Variants in USP12 observed in about 807,000 individuals in gnomAD.
The protein encoded by USP12 is ubiquitin specific peptidase 12.
USP12 carries 19 observed loss-of-function variants against 45.5 expected under a neutral mutation model. The ratio of observed to expected loss-of-function variants is 0.42; its 90% CI spans 0.29 to 0.61. The LOEUF is 0.61. USP12 is among the 20% of genes least tolerant of loss of function. USP12 has a pLI of 0.22. For missense variants in USP12, 242 were observed against 447.7 expected (o/e 0.54, Z 4.15); for synonymous variants, 149 against 148.8 (o/e 1.00, Z -0.01).
chr13:27,159,847 C>G (rs576737358), intron 1 of USP12, among the ~76,000 whole-genome samples: 2 of 152,134 alleles, frequency 1.3e-5, no homozygotes, highest in African/African-American at 4.8e-5. Context: ...AAGAACATCA[C>G]GGTAGGCTAT....
chr13:27,152,305 A>G (rs1877604538), intron 1 of USP12, among the ~76,000 whole-genome samples: 1 of 152,246 alleles, frequency 6.6e-6, no homozygotes, highest in Admixed American at 6.5e-5. Context: ...CATTAAAAGC[A>G]ATGCAGTACT....
At chr13:27,124,476 G>A (rs570276240) in intron 1 of USP12, among the ~76,000 whole-genome samples, 149 of 152,306 alleles carry the variant, frequency 9.8e-4, no homozygotes, top group African/African-American at 3.6e-3. Flanking sequence ...CAAACTATTA[G>A]TTTCCACACA....
chr13:27,155,644 T>A (rs573160568), intron 1 of USP12, among the ~76,000 whole-genome samples: 2 of 152,280 alleles, frequency 1.3e-5, no homozygotes, highest in East Asian at 3.9e-4. Flanking sequence ...AGTAAATATA[T>A]AACCCTGAGG....
In USP12 at chr13:27,095,735, C is replaced by T. The variant is rs764167026; in HGVS notation, c.439G>A (p.Glu147Lys). The T allele has an allele frequency of 6.2e-7, 1 of 1,612,932 alleles. No individual in the cohort carries two copies. Among genetic ancestry groups the T allele is most frequent in the South Asian group, 1.1e-5 (1 of 90,860 alleles). The change falls in exon 4 of 9, where the codon GAA (glutamate) becomes AAA (lysine). Residue 147 changes from glutamate (E) to lysine (K), a missense_variant. By Grantham distance (56) the Glu-to-Lys change is moderately conservative. This residue lies in a region of USP12 where 40 missense variants were observed against 38.6 expected (regional missense o/e 1.04). Coordinates refer to ENST00000282344, the MANE Select transcript of USP12 (RefSeq NM_182488.4). ...TTAGGTAAACGACCATTTTGTTTTT[C>T]CTGCTTTCTCTCTTCTTGTAAAATA... ...ADILQEERKQ[E>K]KQNGRLPNGN...
intron 2 of USP12, among the ~76,000 whole-genome samples, chr13:27,113,809 T>C (rs1180502784): frequency 6.6e-6 from 1 of 152,146 alleles, no homozygotes; most frequent in Non-Finnish European, 1.5e-5. Context: ...TCAAGTAACC[T>C]ATGGCCATCA....
intron 6 of USP12, among the ~76,000 whole-genome samples, chr13:27,083,443 C>T (rs755367641): frequency 6.6e-6 from 1 of 151,890 alleles, no homozygotes; most frequent in African/African-American, 2.4e-5. Context: ...TCAGCCTCCC[C>T]CTTGCCCCCA....
chr13:27,116,311 CAAA>C (rs10549775), intron 2 of USP12, among the ~76,000 whole-genome samples: 7,052 of 90,766 alleles, frequency 0.078, 198 homozygotes, highest in African/African-American at 0.098. Context: ...GACGCTGTCT[CAAA>C]AAAAAAAAAA....
rs77815401 is a variant in USP12, at chr13:27,149,794, G to C, written c.48+21798C>G. 8.0e-3 allele frequency among the ~76,000 whole-genome samples: 1,216 copies of C among 152,338 alleles called. 14 individuals carry two copies. Among genetic ancestry groups the C allele is most frequent in the African/African-American group, 0.027 (1,139 of 41,572 alleles). On this transcript the variant is annotated intron_variant, in intron 1 of 8. Coordinates refer to ENST00000282344, the MANE Select transcript of USP12 (RefSeq NM_182488.4). ...GACTAGTGGGGGATGGTTTCAGGAT[G>C]AAACTGTTCTCAGATCACCAGGCAT...
intron 1 of USP12, among the ~76,000 whole-genome samples, chr13:27,151,844 G>A (rs1395033833): frequency 6.6e-6 from 1 of 152,122 alleles, no homozygotes; most frequent in East Asian, 1.9e-4. Flanking sequence ...CAAAGAATGC[G>A]AATAGATATT....
chr13:27,161,186 G>C (rs556958088), intron 1 of USP12, among the ~76,000 whole-genome samples: 2 of 152,040 alleles, frequency 1.3e-5, no homozygotes, highest in Non-Finnish European at 2.9e-5. Context: ...AAACAAACAG[G>C]GAACCTTTGC....
At chr13:27,143,455 T>C (rs1001003612) in intron 1 of USP12, among the ~76,000 whole-genome samples, 2 of 151,984 alleles carry the variant, frequency 1.3e-5, no homozygotes, top group East Asian at 1.9e-4. Flanking sequence ...CTAATAAACA[T>C]GAAAAAAACA....
intron 1 of USP12, among the ~76,000 whole-genome samples, chr13:27,127,440 T>C (rs553406187): frequency 1.5e-3 from 228 of 152,354 alleles, no homozygotes; most frequent in African/African-American, 5.2e-3. Flanking sequence ...TGAAATATTG[T>C]ACAACCAGTT....
intron 1 of USP12, among the ~76,000 whole-genome samples, chr13:27,156,217 A>AG (rs773958151): frequency 3.0e-4 from 9 of 29,766 alleles, no homozygotes; most frequent in East Asian, 2.1e-3. Flanking sequence ...AACTCCTGCA[A>AG]GGAAAAAAAA....
intron 1 of USP12, among the ~76,000 whole-genome samples, chr13:27,125,998 T>C (rs1428715041): frequency 6.6e-6 from 1 of 152,232 alleles, no homozygotes; most frequent in Non-Finnish European, 1.5e-5. Flanking sequence ...CCACCACAGC[T>C]CAGCAAGGCC....
At chr13:27,087,087 G>A (rs1389136402) in intron 6 of USP12, among the ~76,000 whole-genome samples, 4 of 151,616 alleles carry the variant, frequency 2.6e-5, no homozygotes, top group Non-Finnish European at 4.4e-5. Context: ...AGTCAAAGCA[G>A]AGGGGAAGGG....
chr13:27,128,045 T>G (rs946579017), intron 1 of USP12, among the ~76,000 whole-genome samples: 5 of 152,228 alleles, frequency 3.3e-5, no homozygotes, highest in African/African-American at 1.2e-4. Flanking sequence ...AATGAAAAGT[T>G]TCACCACATA....
intron 2 of USP12, among the ~76,000 whole-genome samples, chr13:27,111,625 A>AT (rs1565993355): frequency 6.6e-6 from 1 of 152,164 alleles, no homozygotes; most frequent in Non-Finnish European, 1.5e-5. Context: ...CACCGCAAGT[A>AT]TTTTTTATAT....
At chr13:27,098,597 T>C (rs1874709119) in intron 3 of USP12, among the ~76,000 whole-genome samples, 1 of 152,226 alleles carries the variant, frequency 6.6e-6, no homozygotes, top group African/African-American at 2.4e-5. Flanking sequence ...TTCTCAACTG[T>C]TGCTGCTGGG....
At chr13:27,154,770 A>T (rs1877737618) in intron 1 of USP12, among the ~76,000 whole-genome samples, 2 of 152,176 alleles carry the variant, frequency 1.3e-5, no homozygotes, top group Admixed American at 1.3e-4. Flanking sequence ...AAATCAAACG[A>T]CCTTGAGAGA....
Sources: allele counts gnomAD v4.1 joint callset (sites outside exome capture counted in the v4.1 genomes callset), GRCh38; gene constraint gnomAD v4.1.1; regional missense constraint gnomAD v4.1.1; transcripts MANE v1.5; gene names NCBI Gene and HGNC (gene_info 2026-07-23, HGNC 2026-07-21).